Variants in CHST11 observed in about 807,000 individuals in gnomAD.
The protein encoded by CHST11 is carbohydrate sulfotransferase 11, also known as C4S-1.
A neutral mutation model predicts 30.4 loss-of-function variants in CHST11; 9 were observed. The ratio of observed to expected loss-of-function variants is 0.30; its 90% CI spans 0.18 to 0.52. The LOEUF is 0.52. Ranked by LOEUF, CHST11 falls within the 20% of genes least tolerant of loss-of-function variation. The probability of loss-of-function intolerance (pLI) is 0.97; values close to 1 mark genes in which losing one functional copy is unlikely to be tolerated. For missense variants in CHST11, 348 were observed against 460.6 expected (o/e 0.76, Z 2.24); for synonymous variants, 152 against 187.8 (o/e 0.81, Z 1.56).
At position 104,760,707 on chromosome 12, in the gene CHST11, C is replaced by CAT. The variant is rs1338492609; in HGVS notation, c.*2905_*2906dup. On this transcript the variant is annotated 3_prime_UTR_variant, in exon 3 of 3. Transcript: ENST00000303694. ...GTGAGAAAGATTGTCCTTCAGGGGA[C>CAT]ATGACATCAATAGGTTTCTGGAATG... 1 of 152,166 alleles carries CAT rather than the reference C, an allele frequency of 6.6e-6. No homozygotes were observed. The highest frequency in any genetic ancestry group is 1.5e-5 in the Non-Finnish European group (1 of 68,032). 9.4% of individuals were successfully genotyped at this position (152,166 alleles called of 1,614,324 possible).
At chr12:104,464,575 C>G (rs190832084) in intron 1 of CHST11, among the ~76,000 whole-genome samples, 2 of 152,266 alleles carry the variant, frequency 1.3e-5, no homozygotes, top group Non-Finnish European at 2.9e-5. Flanking sequence ...GAGATCACGG[C>G]TCACTGCATC....
intron 1 of CHST11, among the ~76,000 whole-genome samples, chr12:104,480,282 G>A (rs917831325): frequency 6.6e-6 from 1 of 151,990 alleles, no homozygotes; most frequent in Non-Finnish European, 1.5e-5. Context: ...AATATAGTTA[G>A]TTAAGATGAA....
chr12:104,695,628 ATAGG>A (rs1566041929), intron 2 of CHST11, among the ~76,000 whole-genome samples: 1 of 152,208 alleles, frequency 6.6e-6, no homozygotes, highest in South Asian at 2.1e-4. Flanking sequence ...AGTGATAAGA[ATAGG>A]TTCCCTCACT....
chr12:104,719,799 G>T (rs1317980697), intron 2 of CHST11, among the ~76,000 whole-genome samples: 1 of 152,184 alleles, frequency 6.6e-6, no homozygotes, highest in Non-Finnish European at 1.5e-5. Context: ...GGTGGCGGGG[G>T]CTGCACCCCA....
chr12:104,664,636 A>G (rs1216008306), intron 2 of CHST11, among the ~76,000 whole-genome samples: 1 of 152,210 alleles, frequency 6.6e-6, no homozygotes, highest in African/African-American at 2.4e-5. Context: ...TTACAAGTGC[A>G]GACAGCCCCA....
intron 1 of CHST11, among the ~76,000 whole-genome samples, chr12:104,457,781 G>A (rs1418229067): frequency 1.4e-5 from 2 of 147,484 alleles, no homozygotes; most frequent in Non-Finnish European, 3.0e-5. Flanking sequence ...CAGGAGGGGC[G>A]GTAGTTTTTT....
At chr12:104,709,978 C>G (rs2040072879) in intron 2 of CHST11, among the ~76,000 whole-genome samples, 1 of 152,186 alleles carries the variant, frequency 6.6e-6, no homozygotes, top group African/African-American at 2.4e-5. Context: ...GGGAGGATCA[C>G]TTCAGTCCAG....
At chr12:104,500,542 TCTC>T (rs780512981) in intron 1 of CHST11, among the ~76,000 whole-genome samples, 29,163 of 152,122 alleles carry the variant, frequency 0.19, 3,030 homozygotes, top group East Asian at 0.33. Flanking sequence ...GTTTGGTATT[TCTC>T]TGTGAAATGA....
chr12:104,584,504 TCCTC>T (rs1233755087), intron 1 of CHST11, among the ~76,000 whole-genome samples: 2 of 151,950 alleles, frequency 1.3e-5, no homozygotes, highest in African/African-American at 4.8e-5. Context: ...TGATCCCCCT[TCCTC>T]AGCCTCCCAA....
chr12:104,532,497 G>T (rs1239721937), intron 1 of CHST11, among the ~76,000 whole-genome samples: 1 of 152,158 alleles, frequency 6.6e-6, no homozygotes, highest in Non-Finnish European at 1.5e-5. Flanking sequence ...AGGTACATAG[G>T]GCAAGGTGCG....
chr12:104,509,262 C>G (rs1250226646), intron 1 of CHST11, among the ~76,000 whole-genome samples: 1 of 152,216 alleles, frequency 6.6e-6, no homozygotes, highest in Non-Finnish European at 1.5e-5. Context: ...TAAGATGTCA[C>G]TTGCTCCTCT....
intron 1 of CHST11, among the ~76,000 whole-genome samples, chr12:104,580,431 G>A (rs1183112012): frequency 1.3e-5 from 2 of 152,202 alleles, no homozygotes; most frequent in Admixed American, 6.5e-5. Context: ...AATACCATGG[G>A]ATGTAATTTA....
At chr12:104,739,117 G>A (rs1404339936) in intron 2 of CHST11, among the ~76,000 whole-genome samples, 1 of 152,252 alleles carries the variant, frequency 6.6e-6, no homozygotes, top group Non-Finnish European at 1.5e-5. Flanking sequence ...CAACGCCGGT[G>A]TGTGCCAGAG....
intron 1 of CHST11, among the ~76,000 whole-genome samples, chr12:104,476,206 AC>A (rs1187210928): frequency 6.8e-6 from 1 of 147,562 alleles, no homozygotes; most frequent in Non-Finnish European, 1.5e-5. Context: ...ACATGCAAAA[AC>A]AATATTACAT....
intron 1 of CHST11, among the ~76,000 whole-genome samples, chr12:104,467,387 T>C (rs1412605228): frequency 6.6e-6 from 1 of 152,200 alleles, no homozygotes. Flanking sequence ...TGGCACAGTG[T>C]CCACTAGGAT....
Position 104,678,456 on chromosome 12 carries a change from G to A in CHST11, c.204+76465G>A, listed in dbSNP as rs932311473. Among the ~76,000 whole-genome samples, 4 of 152,256 alleles carry A rather than the reference G, an allele frequency of 2.6e-5. No homozygotes were observed. The South Asian group carries it at 8.3e-4, about 32-fold the overall frequency. On this transcript the variant is annotated intron_variant, in intron 2 of 2. Transcript: ENST00000303694. The stretch of plus-strand genomic sequence containing the variant: ...CTTGCTAACATGCTGCGCTTATTAT[G>A]GGCCACATCCTGTTCTAAATGTTTT...
At chr12:104,534,747 G>T (rs1446168512) in intron 1 of CHST11, among the ~76,000 whole-genome samples, 1 of 152,180 alleles carries the variant, frequency 6.6e-6, no homozygotes, top group Non-Finnish European at 1.5e-5. Context: ...AGACTGAAGA[G>T]CATAATGCAT....
At chr12:104,538,266 A>T (rs79518411) in intron 1 of CHST11, among the ~76,000 whole-genome samples, 7,579 of 152,202 alleles carry the variant, frequency 0.05, 283 homozygotes, top group Non-Finnish European at 0.076. Context: ...GACATTCCTC[A>T]ATTGGGATTT....
At chr12:104,506,083 C>T (rs1258316947) in intron 1 of CHST11, among the ~76,000 whole-genome samples, 1 of 152,196 alleles carries the variant, frequency 6.6e-6, no homozygotes, top group Admixed American at 6.5e-5. Flanking sequence ...AGTTATTCTC[C>T]ACTCACTCAA....
Sources: gnomAD v4.1 joint callset for allele counts (sites outside exome capture counted in the v4.1 genomes callset) on GRCh38, gnomAD v4.1.1 for gene constraint, MANE v1.5 for transcripts, NCBI Gene and HGNC (gene_info 2026-07-23, HGNC 2026-07-21) for gene names.